ADAMTS18: variants seen among roughly 807,000 people sequenced by gnomAD.
ADAMTS18 encodes A disintegrin and metalloproteinase with thrombospondin motifs 18.
In ADAMTS18, 157 loss-of-function variants were observed where a neutral mutation model predicts 165.9. The ratio of observed to expected loss-of-function variants is 0.95; its 90% CI spans 0.83 to 1.08. ADAMTS18 has a LOEUF of 1.08. ADAMTS18 is among the 50% of genes least tolerant of loss of function. ADAMTS18 has a pLI of 0.00. For missense variants in ADAMTS18, 2,040 were observed against 1,534.0 expected (o/e 1.33, Z -5.51); for synonymous variants, 782 against 578.2 (o/e 1.35, Z -5.06).
intron 3 of ADAMTS18, among the ~76,000 whole-genome samples, chr16:77,383,807 C>G (rs918362489): frequency 7.9e-5 from 12 of 152,142 alleles, no homozygotes; most frequent in African/African-American, 2.9e-4. Context: ...TCCCAAAGCG[C>G]TGGGATTATA....
chr16:77,285,002 T>C (rs2055220702), intron 22 of ADAMTS18, among the ~76,000 whole-genome samples: 1 of 151,016 alleles, frequency 6.6e-6, no homozygotes, highest in Admixed American at 6.6e-5. Flanking sequence ...GTAAATAAAT[T>C]TAAGTCAACA....
At chr16:77,310,525 C>A (rs1305557948) in intron 16 of ADAMTS18, among the ~76,000 whole-genome samples, 1 of 151,066 alleles carries the variant, frequency 6.6e-6, no homozygotes, top group African/African-American at 2.5e-5. Context: ...TTGTCTAACC[C>A]ATGTTGCTTC....
In ADAMTS18 at chr16:77,338,682, G is replaced by T. The variant is rs143652454; in HGVS notation, c.1711-2778C>A. On this transcript the variant is annotated intron_variant, in intron 11 of 22. Transcript: ENST00000282849. ...AAAAGTAAGTGGCTTGGCCGGGCGC[G>T]GTGGCTCAGGCCTGTAATCCCAGCA... Among the ~76,000 whole-genome samples, 995 of 152,040 alleles carry T rather than the reference G, an allele frequency of 6.5e-3. 13 individuals are homozygous for T. The highest frequency in any genetic ancestry group is 0.023 in the African/African-American group (960 of 41,486).
chr16:77,326,801 T>C (rs2056103215), intron 12 of ADAMTS18, among the ~76,000 whole-genome samples: 1 of 152,260 alleles, frequency 6.6e-6, no homozygotes, highest in South Asian at 2.1e-4. Context: ...GGGTTTGGTA[T>C]ACAGACTGTT....
intron 10 of ADAMTS18, among the ~76,000 whole-genome samples, chr16:77,352,478 T>TCTGAGC (rs995636092): frequency 6.6e-6 from 1 of 152,234 alleles, no homozygotes; most frequent in African/African-American, 2.4e-5. Context: ...GAAAATATTT[T>TCTGAGC]CTGAGCTCCA....
Position 77,367,743 on chromosome 16 carries a change from G to A in ADAMTS18, c.496-20C>T, listed in dbSNP as rs1207547628. On this transcript the variant is annotated intron_variant, in intron 3 of 22. Transcript: ENST00000282849. ...ACCTGACTAAAAAGCCAAACACAAA[G>A]CAAACAGTCATGATTCCATGCATCC... is the stretch of plus-strand genomic sequence containing the variant. 1 of 1,614,022 alleles carries A rather than the reference G, an allele frequency of 6.2e-7. No homozygotes were observed. The highest frequency in any genetic ancestry group is 1.3e-5 in the African/African-American group (1 of 74,924).
chr16:77,417,650 A>G (rs539014816), intron 3 of ADAMTS18, among the ~76,000 whole-genome samples: 1 of 152,364 alleles, frequency 6.6e-6, no homozygotes, highest in East Asian at 1.9e-4. Context: ...TTTTAAAAGA[A>G]CTAAAGTGTA....
At chr16:77,415,150 T>C (rs2057513767) in intron 3 of ADAMTS18, among the ~76,000 whole-genome samples, 1 of 152,230 alleles carries the variant, frequency 6.6e-6, no homozygotes, top group African/African-American at 2.4e-5. Context: ...CCAATAAATG[T>C]TGATTCATGA....
rs267604643 is a variant in ADAMTS18, at chr16:77,284,066, G to A, written c.3556C>T (p.Pro1186Ser). 16 of 1,606,820 alleles carry A rather than the reference G, an allele frequency of 1.0e-5. No individual in the cohort carries two copies. Among genetic ancestry groups the A allele is most frequent in the Non-Finnish European group, 1.4e-5 (16 of 1,173,702 alleles). Residue 1186 changes from proline (P) to serine (S), a missense_variant, in exon 23 of 23, where the codon CCA becomes TCA. Transcript: ENST00000282849. The part of the protein sequence containing the change: ...FCPAPEKRED[P>S]SCVDFFNWCH... ...CAGTTGAAGAAATCTACGCAGGATG[G>A]ATCCTCTAAAATAAGAAAATATATT...
At chr16:77,387,044 G>A (rs143834539) in intron 3 of ADAMTS18, among the ~76,000 whole-genome samples, 5 of 152,272 alleles carry the variant, frequency 3.3e-5, no homozygotes, top group African/African-American at 1.2e-4. Flanking sequence ...AGGGCTATTT[G>A]CATACTAATA....
chr16:77,358,890 G>C (rs1223446859), intron 8 of ADAMTS18, among the ~76,000 whole-genome samples: 2 of 152,144 alleles, frequency 1.3e-5, no homozygotes, highest in Admixed American at 1.3e-4. Context: ...AGAATATTAA[G>C]TACATGCAAT....
At chr16:77,387,959 T>TA (rs1202393191) in intron 3 of ADAMTS18, among the ~76,000 whole-genome samples, 2 of 152,182 alleles carry the variant, frequency 1.3e-5, no homozygotes, top group African/African-American at 4.8e-5. Context: ...CCACTACACT[T>TA]ACTCCCAACC....
chr16:77,390,513 A>T (rs1410525227), intron 3 of ADAMTS18, among the ~76,000 whole-genome samples: 1 of 152,002 alleles, frequency 6.6e-6, no homozygotes, highest in African/African-American at 2.4e-5. Flanking sequence ...GAAATGGTGA[A>T]ATGCCGTCTC....
At chr16:77,403,651 G>C (rs2057358550) in intron 3 of ADAMTS18, among the ~76,000 whole-genome samples, 1 of 152,178 alleles carries the variant, frequency 6.6e-6, no homozygotes, top group Non-Finnish European at 1.5e-5. Flanking sequence ...TAAATGACCT[G>C]TGTGTCTCAG....
chr16:77,318,564 T>G (rs1251299455), intron 16 of ADAMTS18, among the ~76,000 whole-genome samples: 1 of 152,200 alleles, frequency 6.6e-6, no homozygotes, highest in East Asian at 1.9e-4. Flanking sequence ...ACAGAATGCC[T>G]GAACCTACTC....
chr16:77,328,336 A>G (rs2056130399), intron 12 of ADAMTS18, among the ~76,000 whole-genome samples: 1 of 152,114 alleles, frequency 6.6e-6, no homozygotes, highest in African/African-American at 2.4e-5. Flanking sequence ...CTTGTATAAC[A>G]TGAAAGGCGG....
chr16:77,314,662 TGTAC>T, intron 16 of ADAMTS18, among the ~76,000 whole-genome samples: 1 of 141,412 alleles, frequency 7.1e-6, no homozygotes, highest in African/African-American at 2.6e-5. Context: ...TATATATATA[TGTAC>T]ATATATACAT....
intron 8 of ADAMTS18, among the ~76,000 whole-genome samples, chr16:77,356,588 T>C (rs867017992): frequency 1.3e-5 from 2 of 152,226 alleles, no homozygotes; most frequent in Middle Eastern, 3.4e-3. Flanking sequence ...TTAGCTGAAA[T>C]CACAAACTCT....
chr16:77,382,148 A>G (rs968169684), intron 3 of ADAMTS18, among the ~76,000 whole-genome samples: 2 of 152,214 alleles, frequency 1.3e-5, no homozygotes, highest in African/African-American at 2.4e-5. Context: ...AAAAGATACC[A>G]TATCTTCCCA....
Sources: gnomAD v4.1 joint callset for allele counts (sites outside exome capture counted in the v4.1 genomes callset) on GRCh38, gnomAD v4.1.1 for gene constraint, MANE v1.5 for transcripts, NCBI Gene and HGNC (gene_info 2026-07-23, HGNC 2026-07-21) for gene names.